The following TSC22D1 variants were observed in gnomAD, a reference collection of about 807,000 sequenced individuals.
TSC22D1 encodes TSC22 domain family protein 1.
Under a neutral mutation model 74.2 loss-of-function variants are expected in TSC22D1, and 9 were observed. That is an observed-to-expected ratio of 0.12 (90% CI 0.07 to 0.21). TSC22D1 has a LOEUF of 0.21. TSC22D1 is among the 10% of genes least tolerant of loss of function. TSC22D1 has a pLI of 1.00. For missense variants in TSC22D1, 1,427 were observed against 1,304.7 expected, an observed-to-expected ratio of 1.09 and a Z score of -1.44; for synonymous variants, 586 against 492.5, an observed-to-expected ratio of 1.19 and a Z score of -2.51.
intron 1 of TSC22D1, among the ~76,000 whole-genome samples, chr13:44,535,629 C>T (rs1287871032): frequency 2.6e-5 from 4 of 151,534 alleles, no homozygotes; most frequent in African/African-American, 9.7e-5. Flanking sequence ...AAAAAACAAA[C>T]AAACAAACAA....
chr13:44,571,634 A>C (rs1883770836), intron 1 of TSC22D1, among the ~76,000 whole-genome samples: 1 of 152,210 alleles, frequency 6.6e-6, no homozygotes, highest in South Asian at 2.1e-4. Context: ...CTTTTGACTT[A>C]AAAAACATTA....
chr13:44,540,449 T>C (rs1219037901), intron 1 of TSC22D1, among the ~76,000 whole-genome samples: 2 of 152,194 alleles, frequency 1.3e-5, no homozygotes, highest in Non-Finnish European at 1.5e-5. Flanking sequence ...AATCACACTA[T>C]AGGCCCATAT....
Position 44,575,940 on chromosome 13 carries a change from A to C in TSC22D1, c.135T>G (p.Gly45=). Residue 45 remains glycine (G), a synonymous_variant, in exon 1 of 3, where the codon GGT becomes GGG. Coordinates refer to ENST00000458659, the MANE Select transcript of TSC22D1 (RefSeq NM_183422.4). ...ATGTGGCATTACTACCGACGCCGGT[A>C]CCTGCTGCATTGAGAGCAGAGGCGC... is the stretch of plus-strand genomic sequence containing the variant. ...SGSASALNAA[G]TGVGSNATSS... is the part of the protein sequence containing the mutation. The C allele has an allele frequency of 6.2e-7, 1 of 1,611,786 alleles. No homozygotes were observed. Among genetic ancestry groups the C allele is most frequent in the Non-Finnish European group, 8.5e-7 (1 of 1,179,204 alleles).
At position 44,434,175 on chromosome 13, in the gene TSC22D1, C is replaced by T. The variant is rs1053931684; in HGVS notation, c.*451G>A. 1.0e-5 allele frequency: 15 copies of T among 1,472,078 alleles called. No individual in the cohort carries two copies. Among genetic ancestry groups the T allele is most frequent in the African/African-American group, 2.9e-5 (2 of 68,904 alleles). 91.2% of individuals were successfully genotyped at this position (1,472,078 alleles called of 1,614,324 possible). Reference sequence around the variant, plus strand: ...GTTCCCCCTCATTTTAGTCTTTTTACCCTCCTTTCAAGTTCCTCCTGGGGG... The same window carrying T: ...GTTCCCCCTCATTTTAGTCTTTTTATCCTCCTTTCAAGTTCCTCCTGGGGG... On this transcript the variant is annotated 3_prime_UTR_variant, in exon 3 of 3. Transcript: ENST00000458659.
At chr13:44,513,300 T>C (rs1879825601) in intron 1 of TSC22D1, among the ~76,000 whole-genome samples, 1 of 152,226 alleles carries the variant, frequency 6.6e-6, no homozygotes, top group Non-Finnish European at 1.5e-5. Flanking sequence ...AAATCACTTA[T>C]ATGTGATCTA....
intron 1 of TSC22D1, among the ~76,000 whole-genome samples, chr13:44,517,857 A>ATATATATATATTTTTTTTT: frequency 6.2e-5 from 1 of 16,174 alleles, no homozygotes; most frequent in African/African-American, 1.8e-4. Context: ...ATATATATAT[A>ATATATATATATTTTTTTTT]TTTTTTTTTT....
At chr13:44,569,339 G>C (rs538715930) in intron 1 of TSC22D1, among the ~76,000 whole-genome samples, 1 of 152,166 alleles carries the variant, frequency 6.6e-6, no homozygotes, top group South Asian at 2.1e-4. Flanking sequence ...GGTAAGACAA[G>C]CAAGTTATTT....
At chr13:44,493,738 C>A (rs1446653669) in intron 1 of TSC22D1, among the ~76,000 whole-genome samples, 1 of 152,152 alleles carries the variant, frequency 6.6e-6, no homozygotes, top group African/African-American at 2.4e-5. Context: ...TGAAAAAGTG[C>A]CCCAGTGCAG....
At chr13:44,487,562 T>C (rs1595112085) in intron 1 of TSC22D1, among the ~76,000 whole-genome samples, 2 of 144,136 alleles carry the variant, frequency 1.4e-5, no homozygotes, top group Non-Finnish European at 3.0e-5. Flanking sequence ...ATTCCTTTTA[T>C]GAACAATGTA....
chr13:44,546,229 T>G (rs1383647839), intron 1 of TSC22D1, among the ~76,000 whole-genome samples: 1 of 152,196 alleles, frequency 6.6e-6, no homozygotes, highest in East Asian at 1.9e-4. Context: ...GGAAGTATGA[T>G]GAGAAATAAG....
chr13:44,436,613 A>G, intron 1 of TSC22D1: 1 of 1,608,176 alleles, frequency 6.2e-7, no homozygotes, highest in Non-Finnish European at 8.5e-7. Context: ...ACTGGTCTAC[A>G]CCATTGGGAT....
intron 1 of TSC22D1, among the ~76,000 whole-genome samples, chr13:44,517,879 T>TTA (rs1269388082): frequency 8.3e-6 from 1 of 120,736 alleles, no homozygotes; most frequent in Non-Finnish European, 1.7e-5. Flanking sequence ...TTTTTTTTTT[T>TTA]AACAAGGTCT....
intron 1 of TSC22D1, among the ~76,000 whole-genome samples, chr13:44,462,866 T>A (rs1468793022): frequency 1.3e-5 from 2 of 152,142 alleles, no homozygotes; most frequent in Non-Finnish European, 2.9e-5. Flanking sequence ...ATTAGGACGA[T>A]TAATGTGTTT....
At chr13:44,494,025 G>A (rs911352351) in intron 1 of TSC22D1, among the ~76,000 whole-genome samples, 1 of 152,104 alleles carries the variant, frequency 6.6e-6, no homozygotes, top group Non-Finnish European at 1.5e-5. Context: ...ACGTCCAGGA[G>A]TTCAAGACCA....
At chr13:44,538,923 A>G (rs1367094581) in intron 1 of TSC22D1, 13 of 985,266 alleles carry the variant, frequency 1.3e-5, no homozygotes, top group Non-Finnish European at 1.4e-5. Flanking sequence ...CCAGTCTCCC[A>G]TTATCAAGAT....
rs146614367 is a variant in TSC22D1 at position 44,522,098 on chromosome 13, C to T, written c.2912+51065G>A. On this transcript the variant is annotated intron_variant, in intron 1 of 2. Coordinates refer to ENST00000458659, the MANE Select transcript of TSC22D1 (RefSeq NM_183422.4). ...AGAGAGTAAAAGTCAAGGAAGAGAA[C>T]TAAATGTTTAGATATAATGACTAGA... is the stretch of plus-strand genomic sequence containing the variant. Among the ~76,000 whole-genome samples the T allele has an allele frequency of 1.3e-3, 202 of 152,224 alleles. 1 individual carries two copies. Among genetic ancestry groups the T allele is most frequent in the African/African-American group, 4.6e-3 (192 of 41,556 alleles).
intron 1 of TSC22D1, among the ~76,000 whole-genome samples, chr13:44,564,941 G>A (rs991126343): frequency 6.6e-6 from 1 of 152,084 alleles, no homozygotes; most frequent in Non-Finnish European, 1.5e-5. Flanking sequence ...ATGACTCTCA[G>A]GTTTCTAAAG....
intron 1 of TSC22D1, among the ~76,000 whole-genome samples, chr13:44,437,886 T>C (rs1874865830): frequency 6.6e-6 from 1 of 152,202 alleles, no homozygotes; most frequent in African/African-American, 2.4e-5. Context: ...TGGTTAAAAA[T>C]AGTTAAGCAG....
At chr13:44,512,263 A>G (rs1432938421) in intron 1 of TSC22D1, among the ~76,000 whole-genome samples, 1 of 152,026 alleles carries the variant, frequency 6.6e-6, no homozygotes, top group Non-Finnish European at 1.5e-5. Flanking sequence ...TCCGCCTCCC[A>G]GGTTCACGCC....
Sources: gnomAD v4.1 joint callset for allele counts (sites outside exome capture counted in the v4.1 genomes callset) on GRCh38, gnomAD v4.1.1 for gene constraint, MANE v1.5 for transcripts, NCBI Gene and HGNC (gene_info 2026-07-23, HGNC 2026-07-21) for gene names.